EIF2A: variants seen among roughly 807,000 people sequenced by gnomAD.
The protein encoded by EIF2A is 65 kDa eukaryotic translation initiation factor 2A.
EIF2A carries 62 observed loss-of-function variants against 75.2 expected under a neutral mutation model. The observed-to-expected ratio is 0.82, with a 90% CI of 0.67 to 1.02. The LOEUF (loss-of-function observed/expected upper bound fraction) is 1.02, where lower values mean the gene tolerates loss of function less well. EIF2A is among the 50% of genes least tolerant of loss of function. The probability of loss-of-function intolerance (pLI) is 0.00; values close to 1 mark genes in which losing one functional copy is unlikely to be tolerated. For synonymous variants in EIF2A, 207 were observed against 239.0 expected, an observed-to-expected ratio of 0.87 and a Z score of 1.23; for missense variants, 611 against 677.7, an observed-to-expected ratio of 0.90 and a Z score of 1.09.
chr3:150,548,378 T>C (rs1174296595), intron 1 of EIF2A, among the ~76,000 whole-genome samples: 1 of 152,260 alleles, frequency 6.6e-6, no homozygotes, highest in Non-Finnish European at 1.5e-5. Flanking sequence ...TTATTTCACT[T>C]ACTAAGTAGG....
chr3:150,572,590 C>A lies in EIF2A; in HGVS notation c.1383+61C>A, dbSNP rs1724600109. Reference sequence around the variant, plus strand: ...TTATTTTGGGCCAGGAGTGGTGGTTCACATCCGTAATCCCAGCACTTCGGG... The same window carrying A: ...TTATTTTGGGCCAGGAGTGGTGGTTAACATCCGTAATCCCAGCACTTCGGG... On this transcript the variant is annotated intron_variant, in intron 10 of 13. Transcript: ENST00000460851. The A allele has an allele frequency of 3.4e-6, 5 of 1,482,154 alleles. No homozygotes were observed. In the South Asian group the frequency reaches 6.6e-5, roughly 19 times the overall value. 91.8% of individuals were successfully genotyped at this position (1,482,154 alleles called of 1,614,324 possible).
intron 3 of EIF2A, among the ~76,000 whole-genome samples, chr3:150,561,753 C>T (rs1723878152): frequency 6.6e-6 from 1 of 151,892 alleles, no homozygotes; most frequent in Non-Finnish European, 1.5e-5. Context: ...TATATCATTT[C>T]CCAGCACTAG....
At chr3:150,556,640 AT>A (rs1337234061) in intron 2 of EIF2A, among the ~76,000 whole-genome samples, 2 of 152,252 alleles carry the variant, frequency 1.3e-5, no homozygotes, top group African/African-American at 4.8e-5. Context: ...CTCTGAGTTA[AT>A]AGTTACTTAA....
chr3:150,562,517 C>G, intron 3 of EIF2A, 25 bp from the exon 4 acceptor site: 1 of 1,524,328 alleles, frequency 6.6e-7, no homozygotes, highest in African/African-American at 1.4e-5. Context: ...TATTTCATTG[C>G]TGAAATAATT....
rs746272813 is a variant in EIF2A at position 150,572,344 on chromosome 3, T to C, written c.1198T>C (p.Tyr400His). 2.5e-6 allele frequency: 4 copies of C among 1,614,018 alleles called. No homozygotes were observed. The highest frequency in any genetic ancestry group is 3.4e-6 in the Non-Finnish European group (4 of 1,179,896). ...WHYTGSILHK[Y>H]DVPSNAELWQ... ...TTATACTGGCTCTATCTTGCACAAG[T>C]ATGATGTGCCATCAAATGCAGAATT... The change falls in exon 10 of 14, where the codon TAT (tyrosine) becomes CAT (histidine). Residue 400 changes from tyrosine to histidine, a missense_variant. By Grantham distance (83) the Tyr-to-His change is moderately conservative. Transcript: ENST00000460851.
chr3:150,572,498 T>C lies in EIF2A; in HGVS notation c.1352T>C (p.Leu451Ser). 1.2e-6 allele frequency: 2 copies of C among 1,610,708 alleles called. No homozygotes were observed. Among genetic ancestry groups the C allele is most frequent in the Non-Finnish European group, 1.7e-6 (2 of 1,178,836 alleles). The change falls in exon 10 of 14, where the codon TTA (leucine) becomes TCA (serine). Residue 451 changes from leucine (L) to serine (S), a missense_variant. Transcript: ENST00000460851. The part of the protein sequence containing the change: ...KVATAYRPPA[L>S]RNKPITNSKL... Reference sequence around the variant, plus strand: ...GCAACAGCTTATAGACCCCCAGCTTTAAGAAATAAACCAATCACCAATTCC... The same window carrying C: ...GCAACAGCTTATAGACCCCCAGCTTCAAGAAATAAACCAATCACCAATTCC...
intron 11 of EIF2A, among the ~76,000 whole-genome samples, chr3:150,577,748 T>TTGC (rs1724954572): frequency 6.6e-6 from 1 of 152,098 alleles, no homozygotes; most frequent in Admixed American, 6.6e-5. Flanking sequence ...TAACAGCTGG[T>TTGC]TGCTATATCA....
At chr3:150,571,216 T>C (rs537745684) in intron 9 of EIF2A, among the ~76,000 whole-genome samples, 75 of 149,910 alleles carry the variant, frequency 5.0e-4, no homozygotes, top group Non-Finnish European at 9.5e-4. Context: ...CTTGGCTCAC[T>C]GCAACCTCTG....
At chr3:150,564,929 C>A in intron 6 of EIF2A, 1 of 183,730 alleles carries the variant, frequency 5.4e-6, no homozygotes, top group Non-Finnish European at 1.1e-5. Context: ...AATATGTGTT[C>A]AAATTTCTAC....
chr3:150,561,527 A>T (rs1356535988), intron 3 of EIF2A, among the ~76,000 whole-genome samples: 1 of 152,074 alleles, frequency 6.6e-6, no homozygotes, highest in Admixed American at 6.5e-5. Context: ...GCTGTGAGCC[A>T]AGACTGTGCC....
chr3:150,560,141 C>T (rs748837013), intron 3 of EIF2A, among the ~76,000 whole-genome samples: 6 of 152,158 alleles, frequency 3.9e-5, no homozygotes, highest in Non-Finnish European at 8.8e-5. Flanking sequence ...ATAGTTCACT[C>T]ATATCCACAC....
intron 1 of EIF2A, among the ~76,000 whole-genome samples, chr3:150,551,430 C>T (rs1478388431): frequency 1.3e-5 from 2 of 151,952 alleles, no homozygotes; most frequent in Non-Finnish European, 2.9e-5. Flanking sequence ...TTAATTCAAC[C>T]ATTTAAAAAA....
At position 150,558,385 on chromosome 3, in the gene EIF2A, C is replaced by A; in HGVS notation, c.99-3C>A. 1 of 1,501,538 alleles carries A rather than the reference C, an allele frequency of 6.7e-7. No individual in the cohort carries two copies. The highest frequency in any genetic ancestry group is 1.4e-5 in the South Asian group (1 of 72,962). The allele number at this position is 1,501,538 out of a possible 1,614,324, so 93.0% of individuals were successfully genotyped here. On this transcript the variant is annotated splice_polypyrimidine_tract_variant and splice_region_variant and intron_variant, in intron 2 of 13. Coordinates refer to ENST00000460851, the MANE Select transcript of EIF2A (RefSeq NM_032025.5). ...TTAAACCTTTTTTTTTTGTCATTTTCAGGGAATCTGGGAAGAATTGCAAAG... is the reference window on the plus strand; with the variant it reads ...TTAAACCTTTTTTTTTTGTCATTTTAAGGGAATCTGGGAAGAATTGCAAAG...
At position 150,572,800 on chromosome 3, in the gene EIF2A, G is replaced by A. The variant is rs373936144; in HGVS notation, c.1383+271G>A. Among the ~76,000 whole-genome samples the A allele has an allele frequency of 3.0e-3, 448 of 148,214 alleles. 2 individuals carry two copies. Among genetic ancestry groups the A allele is most frequent in the African/African-American group, 0.01 (419 of 40,256 alleles). On this transcript the variant is annotated intron_variant, in intron 10 of 13. Transcript: ENST00000460851. ...GAACCCGGGAGGTGGAGGTTGCAGT[G>A]AGCCGAGATCGCACCACTGCACTCC...
chr3:150,566,872 T>C (rs1441916208), intron 6 of EIF2A: 1 of 152,240 alleles, frequency 6.6e-6, no homozygotes, highest in Non-Finnish European at 1.5e-5. Flanking sequence ...ATAGTTAGAA[T>C]AGGAATTGGT....
At chr3:150,574,451 C>T (rs764379271) in intron 10 of EIF2A, among the ~76,000 whole-genome samples, 9 of 152,122 alleles carry the variant, frequency 5.9e-5, no homozygotes, top group Non-Finnish European at 1.0e-4. Flanking sequence ...TAAACTACTA[C>T]AGAAGAGCCC....
At chr3:150,582,419 A>G (rs1438487967) in intron 12 of EIF2A, among the ~76,000 whole-genome samples, 4 of 151,000 alleles carry the variant, frequency 2.6e-5, no homozygotes. Flanking sequence ...GGTTCAGGCC[A>G]TTCTCCTGCC....
intron 9 of EIF2A, among the ~76,000 whole-genome samples, chr3:150,569,018 C>T (rs1225314031): frequency 6.6e-6 from 1 of 152,162 alleles, no homozygotes; most frequent in Non-Finnish European, 1.5e-5. Flanking sequence ...CTAATTTTCT[C>T]ATTTTGAATT....
intron 3 of EIF2A, 96 bp from the exon 4 acceptor site, chr3:150,562,446 A>G: frequency 1.1e-6 from 1 of 890,452 alleles, no homozygotes; most frequent in Non-Finnish European, 1.7e-6. Flanking sequence ...AACATTTTGG[A>G]GTGATCTGTA....
Sources: allele counts gnomAD v4.1 joint callset (sites outside exome capture counted in the v4.1 genomes callset), GRCh38; gene constraint gnomAD v4.1.1; transcripts MANE v1.5; gene names NCBI Gene and HGNC (gene_info 2026-07-23, HGNC 2026-07-21).